The following FBXO21 variants were observed in gnomAD, a reference collection of about 807,000 sequenced individuals.
FBXO21 encodes F-box protein 21.
A neutral mutation model predicts 76.6 loss-of-function variants in FBXO21; 32 were observed. The ratio of observed to expected loss-of-function variants is 0.42; its 90% confidence interval spans 0.32 to 0.56. The LOEUF is 0.56. Among genes scored for constraint, FBXO21 ranks in the 20% least tolerant of loss-of-function variants. The pLI, the probability that FBXO21 is intolerant of heterozygous loss-of-function variation, is 0.16. For missense variants in FBXO21, 586 were observed against 797.3 expected (o/e 0.73, Z 3.19); for synonymous variants, 328 against 311.5 (o/e 1.05, Z -0.56).
chr12:117,168,923 CAAAGGCCTGAAGACAGCTA>C (rs1335194982), intron 7 of FBXO21, among the ~76,000 whole-genome samples: 1 of 152,146 alleles, frequency 6.6e-6, no homozygotes, highest in Non-Finnish European at 1.5e-5. Flanking sequence ...GGTGATTCCT[CAAAGGCCTGAAGACAGCTA>C]AACCATTTGA....
chr12:117,158,518 G>A (rs913731265), intron 9 of FBXO21, among the ~76,000 whole-genome samples: 2 of 151,874 alleles, frequency 1.3e-5, no homozygotes, highest in Admixed American at 6.6e-5. Flanking sequence ...AATTCAGAGG[G>A]GAAAAAAAAA....
intron 11 of FBXO21, among the ~76,000 whole-genome samples, chr12:117,147,301 A>AG (rs1455480445): frequency 8.6e-6 from 1 of 116,874 alleles, no homozygotes; most frequent in Non-Finnish European, 1.9e-5. Context: ...AAAAAAAAAA[A>AG]AAAAAAGAAA....
At chr12:117,159,413 G>T (rs1487687211) in intron 9 of FBXO21, among the ~76,000 whole-genome samples, 1 of 152,172 alleles carries the variant, frequency 6.6e-6, no homozygotes, top group East Asian at 1.9e-4. Flanking sequence ...GTGGAGTGAG[G>T]CTGTGGCTCT....
At chr12:117,189,476 C>A in intron 1 of FBXO21, 114 bp from the exon 2 acceptor site, 8 of 1,115,966 alleles carry the variant, frequency 7.2e-6, no homozygotes, top group Non-Finnish European at 1.1e-5. Flanking sequence ...TAAGAGGGAC[C>A]CCGGCGAGAG....
chr12:117,156,124 T>C (rs1309957876), intron 10 of FBXO21, among the ~76,000 whole-genome samples, 176 bp from the exon 11 acceptor site: 2 of 152,144 alleles, frequency 1.3e-5, no homozygotes, highest in Non-Finnish European at 2.9e-5. Context: ...CATAGCACTT[T>C]ATCTGGAAAA....
chr12:117,175,616 C>T (rs1489106702), intron 4 of FBXO21, among the ~76,000 whole-genome samples: 1 of 152,234 alleles, frequency 6.6e-6, no homozygotes, highest in East Asian at 1.9e-4. Context: ...GTGTTGCCAC[C>T]AGCCAGGGAC....
At position 117,155,893 on chromosome 12, in the gene FBXO21, C is replaced by T; in HGVS notation, c.1573G>A (p.Glu525Lys). ...GWDPTCMMGH[E>K]WIRNMNVHSL... ...TGGACGTTCATGTTCCGGATCCACTCGTGTCCCATCATGCAGGTGGGGTCC... is the reference window on the plus strand; with the variant it reads ...TGGACGTTCATGTTCCGGATCCACTTGTGTCCCATCATGCAGGTGGGGTCC... Residue 525 changes from glutamate (E) to lysine (K), a missense_variant, in exon 11 of 12, where the codon GAG (glutamate) becomes AAG (lysine). Coordinates refer to ENST00000622495, the MANE Select transcript of FBXO21 (RefSeq NM_015002.3). The T allele has an allele frequency of 6.2e-7, 1 of 1,614,172 alleles. No individual in the cohort carries two copies. Among genetic ancestry groups the T allele is most frequent in the Non-Finnish European group, 8.5e-7 (1 of 1,180,022 alleles).
At chr12:117,160,331 G>GAGAAC (rs1427849126) in intron 9 of FBXO21, among the ~76,000 whole-genome samples, 1 of 152,116 alleles carries the variant, frequency 6.6e-6, no homozygotes, top group African/African-American at 2.4e-5. Context: ...TTCCCTCTAA[G>GAGAAC]GTTCTCTCTG....
intron 11 of FBXO21, among the ~76,000 whole-genome samples, chr12:117,151,235 G>C (rs1034496958): frequency 2.6e-5 from 4 of 152,088 alleles, no homozygotes; most frequent in Admixed American, 1.3e-4. Context: ...GAAGGAGGCG[G>C]GACAGGAGCG....
At chr12:117,161,351 G>A (rs1955974469) in intron 9 of FBXO21, among the ~76,000 whole-genome samples, 1 of 152,064 alleles carries the variant, frequency 6.6e-6, no homozygotes, top group Admixed American at 6.6e-5. Context: ...GGAACTCCAC[G>A]GGAGGTGGGG....
chr12:117,146,201 G>A lies in FBXO21; in HGVS notation c.1752C>T (p.Gly584=). Residue 584 remains glycine (G), a synonymous_variant, in exon 12 of 12, where the codon GGC becomes GGT. Coordinates refer to ENST00000622495, the MANE Select transcript of FBXO21 (RefSeq NM_015002.3). Reference sequence around the variant, plus strand: ...GCTCTGCGTTTGGGATGTAGTGAGTGCCAGTAAACTCTGAGAAATAGCGTC... The same window carrying A: ...GCTCTGCGTTTGGGATGTAGTGAGTACCAGTAAACTCTGAGAAATAGCGTC... ...DVGRYFSEFT[G]THYIPNAELE... is the part of the protein sequence containing the mutation. The A allele has an allele frequency of 6.2e-7, 1 of 1,613,878 alleles. No homozygotes were observed. Among genetic ancestry groups the A allele is most frequent in the Non-Finnish European group, 8.5e-7 (1 of 1,179,826 alleles).
In FBXO21 at chr12:117,181,603, A is replaced by G. The variant is rs56851835; in HGVS notation, c.471-3962T>C. 2.3e-3 allele frequency among the ~76,000 whole-genome samples: 255 copies of G among 113,020 alleles called. 1 individual carries two copies. The highest frequency in any genetic ancestry group is 8.8e-3 in the Middle Eastern group (2 of 226). 74.1% of individuals were successfully genotyped at this position (113,020 alleles called of 152,430 possible). ...TCGATCTATCTATCTGAGACAGTCT[A>G]TCTATCTATCTATCTATCTATCTAT... On this transcript the variant is annotated intron_variant, in intron 3 of 11. Transcript: ENST00000622495.
chr12:117,188,452 TG>T (rs1956308150), intron 2 of FBXO21, among the ~76,000 whole-genome samples: 1 of 151,948 alleles, frequency 6.6e-6, no homozygotes, highest in Admixed American at 6.6e-5. Flanking sequence ...GGCTGAGACA[TG>T]AGAATTGCTC....
At chr12:117,168,809 A>G (rs1270966082) in intron 7 of FBXO21, among the ~76,000 whole-genome samples, 1 of 152,246 alleles carries the variant, frequency 6.6e-6, no homozygotes, top group Non-Finnish European at 1.5e-5. Flanking sequence ...GAACATGAAA[A>G]AATCTATTTT....
chr12:117,151,690 T>C (rs1955844361), intron 11 of FBXO21, among the ~76,000 whole-genome samples: 1 of 152,054 alleles, frequency 6.6e-6, no homozygotes, highest in African/African-American at 2.4e-5. Flanking sequence ...TTATAACACA[T>C]TGAATAAATA....
At position 117,146,101 on chromosome 12, in the gene FBXO21, T is replaced by G. The variant is rs139082982; in HGVS notation, c.1852A>C (p.Asn618His). Residue 618 changes from asparagine (N) to histidine (H), a missense_variant, in exon 12 of 12, where the codon AAC becomes CAC. Coordinates refer to ENST00000622495, the MANE Select transcript of FBXO21 (RefSeq NM_015002.3). The stretch of plus-strand genomic sequence containing the variant: ...CTCTCTAGACTTTACTCATCTATGT[T>G]CTCTTTCTTTGCACTGTAAATATTC... ...VQNIYSAKKE[N>H]IDE is the part of the protein sequence containing the mutation. 27 of 1,602,470 alleles carry G rather than the reference T, an allele frequency of 1.7e-5. No homozygotes were observed. The highest frequency in any genetic ancestry group is 1.7e-4 in the Middle Eastern group (1 of 6,000).
intron 3 of FBXO21, 123 bp downstream of exon 3, chr12:117,186,354 G>A: frequency 1.4e-6 from 1 of 712,002 alleles, no homozygotes; most frequent in Non-Finnish European, 2.4e-6. Context: ...TTTCAAAACT[G>A]TAACTATGAC....
intron 3 of FBXO21, among the ~76,000 whole-genome samples, chr12:117,184,794 G>T (rs1956267169): frequency 6.6e-6 from 1 of 152,118 alleles, no homozygotes; most frequent in African/African-American, 2.4e-5. Context: ...CCACAAAAGA[G>T]TAAGTAGACA....
intron 3 of FBXO21, among the ~76,000 whole-genome samples, chr12:117,181,200 G>C (rs900080659): frequency 1.3e-5 from 2 of 152,058 alleles, no homozygotes; most frequent in African/African-American, 4.8e-5. Flanking sequence ...CTCTCAGGAA[G>C]GACTGAAAAG....
Sources: allele counts gnomAD v4.1 joint callset (sites outside exome capture counted in the v4.1 genomes callset), GRCh38; gene constraint gnomAD v4.1.1; transcripts MANE v1.5; gene names NCBI Gene and HGNC (gene_info 2026-07-23, HGNC 2026-07-21).